The following GPR160 variants were observed in gnomAD, a reference collection of about 807,000 sequenced individuals.
GPR160 encodes the protein G protein-coupled receptor 160.
A neutral mutation model predicts 2.6 loss-of-function variants in GPR160; 2 were observed. The ratio of observed to expected loss-of-function variants is 0.77; its 90% confidence interval spans 0.32 to 2.44. The LOEUF (loss-of-function observed/expected upper bound fraction) is 2.44. Ranked by LOEUF, GPR160 falls within the 30% of genes most tolerant of loss-of-function variation. GPR160 has a pLI of 0.11. For synonymous variants in GPR160, 130 were observed against 132.2 expected (o/e 0.98, Z 0.12); for missense variants, 351 against 383.6 (o/e 0.91, Z 0.71).
At chr3:170,059,932 A>C (rs560377954) in intron 2 of GPR160, among the ~76,000 whole-genome samples, 39 of 152,268 alleles carry the variant, frequency 2.6e-4, no homozygotes, top group African/African-American at 9.4e-4. Context: ...TGATCTTTCA[A>C]GTATGTATTT....
At chr3:170,064,015 A>G (rs1712147085) in intron 2 of GPR160, among the ~76,000 whole-genome samples, 1 of 152,166 alleles carries the variant, frequency 6.6e-6, no homozygotes, top group South Asian at 2.1e-4. Flanking sequence ...GTGAACGCTG[A>G]ATTTATTAAA....
At position 170,084,201 on chromosome 3, in the gene GPR160, T is replaced by C. The variant is rs1054754443; in HGVS notation, c.229T>C (p.Leu77=). The change falls in exon 4 of 4, where the codon TTG becomes CTG. Residue 77 remains leucine, a synonymous_variant. Coordinates refer to ENST00000355897, the MANE Select transcript of GPR160 (RefSeq NM_014373.3). ...ACTTTTGGTAAACATTTCCATTATA[T>C]TGTATTTCAGGGATTTTGTACTTTT... ...LLLLVNISII[L]YFRDFVLLSI... 11 of 1,594,960 alleles carry C rather than the reference T, an allele frequency of 6.9e-6. No individual in the cohort carries two copies. The highest frequency in any genetic ancestry group is 1.7e-4 in the Middle Eastern group (1 of 5,996).
rs548230607 is a variant in GPR160, at chr3:170,075,820, G to A, written c.-192-3954G>A. ...ATAAAAATCATCTATCCCCTACCTT[G>A]AGATAACCTCTGCTTGCTGTCTTCT... On this transcript the variant is annotated intron_variant, in intron 2 of 3. Coordinates refer to ENST00000355897, the MANE Select transcript of GPR160 (RefSeq NM_014373.3). 2.0e-5 allele frequency among the ~76,000 whole-genome samples: 3 copies of A among 152,288 alleles called. No individual in the cohort carries two copies. In the South Asian group the frequency reaches 6.2e-4, roughly 32 times the overall value.
chr3:170,085,309 A>G lies in GPR160; in HGVS notation c.*320A>G, dbSNP rs567394442. 1 of 182,894 alleles carries G rather than the reference A, an allele frequency of 5.5e-6. No individual in the cohort carries two copies. Among genetic ancestry groups the G allele is most frequent in the South Asian group, 2.0e-4 (1 of 4,978 alleles). The allele number at this position is 182,894 out of a possible 1,614,324, so 11.3% of individuals were successfully genotyped here. A position where few individuals can be genotyped will look rare whatever the true frequency, so the allele number is the denominator to read the frequency against. ...GTTACTCAAAAAAACTACTGGATGC[A>G]AACTGTTATGTAAATCTGAGATTTC... On this transcript the variant is annotated 3_prime_UTR_variant, in exon 4 of 4. Coordinates refer to ENST00000355897, the MANE Select transcript of GPR160 (RefSeq NM_014373.3).
intron 2 of GPR160, among the ~76,000 whole-genome samples, chr3:170,059,152 G>A (rs181522974): frequency 8.0e-4 from 122 of 152,222 alleles, no homozygotes; most frequent in Admixed American, 1.6e-3. Flanking sequence ...GTATGGAAAT[G>A]AGACTTTTCT....
chr3:170,050,914 G>A (rs773610223), intron 2 of GPR160, among the ~76,000 whole-genome samples: 1 of 152,168 alleles, frequency 6.6e-6, no homozygotes, highest in African/African-American at 2.4e-5. Context: ...TGCTATAAAC[G>A]AGGTAATGTT....
At chr3:170,073,881 A>ATTTTTTTTTTTTT (rs35575462) in intron 2 of GPR160, among the ~76,000 whole-genome samples, 1 of 81,880 alleles carries the variant, frequency 1.2e-5, no homozygotes, top group Non-Finnish European at 2.3e-5. Context: ...TTTAATAGGG[A>ATTTTTTTTTTTTT]TTTTTTTTTT....
At chr3:170,062,670 T>A (rs755988295) in intron 2 of GPR160, 9 of 1,442,676 alleles carry the variant, frequency 6.2e-6, no homozygotes, top group Non-Finnish European at 7.7e-6. Flanking sequence ...AAGCAAGCCT[T>A]GAAATAGCCC....
intron 2 of GPR160, chr3:170,062,592 A>G: frequency 2.6e-6 from 3 of 1,163,150 alleles, no homozygotes; most frequent in Admixed American, 3.9e-5. Context: ...CCAAACCAAA[A>G]ATGTGAAGCA....
chr3:170,081,677 C>G (rs1453816287), intron 3 of GPR160, among the ~76,000 whole-genome samples: 9 of 152,090 alleles, frequency 5.9e-5, no homozygotes, highest in Non-Finnish European at 1.5e-5. Flanking sequence ...CACCCAGGTA[C>G]TAAGTCTAGT....
At chr3:170,040,169 A>G (rs948465564) in intron 2 of GPR160, among the ~76,000 whole-genome samples, 5 of 152,244 alleles carry the variant, frequency 3.3e-5, no homozygotes, top group Non-Finnish European at 5.9e-5. Flanking sequence ...CAGCACCTGT[A>G]TCCCAGAACT....
Position 170,084,629 on chromosome 3 carries a change from A to C in GPR160, c.657A>C (p.Glu219Asp). The change falls in exon 4 of 4, where the codon GAA becomes GAC. Residue 219 changes from glutamate (E) to aspartate (D), a missense_variant. By Grantham distance (45) the Glu-to-Asp change is conservative. Transcript: ENST00000355897. The stretch of plus-strand genomic sequence containing the variant: ...TCAGGATAACTTCCTATATGAATGA[A>C]ACTATCTTATATTTTCCTTTTTCAT... Reference protein sequence around the residue: ...QAIRITSYMNETILYFPFSSH... With the variant: ...QAIRITSYMNDTILYFPFSSH... 1 of 1,611,518 alleles carries C rather than the reference A, an allele frequency of 6.2e-7. No homozygotes were observed. Among genetic ancestry groups the C allele is most frequent in the Non-Finnish European group, 8.5e-7 (1 of 1,177,740 alleles).
At chr3:170,051,281 A>G (rs890422081) in intron 2 of GPR160, among the ~76,000 whole-genome samples, 6 of 152,188 alleles carry the variant, frequency 3.9e-5, no homozygotes, top group African/African-American at 1.2e-4. Flanking sequence ...TATTTGATCT[A>G]TATTGATATC....
chr3:170,083,297 TGAAAGA>T (rs1413690904), intron 3 of GPR160: 1 of 152,242 alleles, frequency 6.6e-6, no homozygotes, highest in Non-Finnish European at 1.5e-5. Context: ...ATGCCATACC[TGAAAGA>T]TCATATCCAG....
intron 2 of GPR160, among the ~76,000 whole-genome samples, chr3:170,040,763 CAA>C (rs1385856824): frequency 6.6e-6 from 1 of 152,162 alleles, no homozygotes; most frequent in Non-Finnish European, 1.5e-5. Flanking sequence ...ATGATGAAAA[CAA>C]AGCACAAGAT....
In GPR160 at chr3:170,084,031, AG is replaced by A; in HGVS notation, c.60del (p.Gln20HisfsTer3). On this transcript the variant is annotated frameshift_variant, in exon 4 of 4. Transcript: ENST00000355897. LOFTEE classifies it low-confidence loss of function (END_TRUNC). ...SFQYQLRQTN[Q>X]PLDVNYLLFL... is the part of the protein sequence containing the mutation. ...CAGTACCAGTTACGTCAAACAAACC[AG>A]CCCCTAGATGTTAACTATCTGCTAT... is the stretch of plus-strand genomic sequence containing the variant. 2 of 1,567,130 alleles carry A rather than the reference AG, an allele frequency of 1.3e-6. No individual in the cohort carries two copies. Among genetic ancestry groups the A allele is most frequent in the Non-Finnish European group, 1.7e-6 (2 of 1,161,436 alleles).
intron 2 of GPR160, among the ~76,000 whole-genome samples, chr3:170,072,300 C>T (rs1712636605): frequency 6.6e-6 from 1 of 152,034 alleles, no homozygotes; most frequent in African/African-American, 2.4e-5. Context: ...GTCTTGAACT[C>T]CTGACCTCAA....
rs556567230 is a variant in GPR160 at position 170,044,248 on chromosome 3, CAG to C, written c.-193+5206_-193+5207del. The stretch of plus-strand genomic sequence containing the variant: ...CTGAGGCTGGAGAATCACTTGAACT[CAG>C]GGGGCGGAGGTTGCGGTGAGCCGAG... On this transcript the variant is annotated intron_variant, in intron 2 of 3. Transcript: ENST00000355897. 3.1e-3 allele frequency among the ~76,000 whole-genome samples: 427 copies of C among 139,848 alleles called. 3 individuals are homozygous for C. Among genetic ancestry groups the C allele is most frequent in the African/African-American group, 0.011 (411 of 37,066 alleles). The allele number at this position is 139,848 out of a possible 152,430, so 91.7% of individuals were successfully genotyped here.
intron 2 of GPR160, among the ~76,000 whole-genome samples, chr3:170,071,457 G>A (rs183423125): frequency 5.3e-5 from 8 of 152,248 alleles, no homozygotes; most frequent in East Asian, 3.9e-4. Context: ...AGATGCCAGC[G>A]CCATGCTTCC....
Sources: gnomAD v4.1 joint callset for allele counts (sites outside exome capture counted in the v4.1 genomes callset) on GRCh38, gnomAD v4.1.1 for gene constraint, MANE v1.5 for transcripts, NCBI Gene and HGNC (gene_info 2026-07-23, HGNC 2026-07-21) for gene names.